The following RSPH4A variants were observed in gnomAD, a reference collection of about 807,000 sequenced individuals.
The protein encoded by RSPH4A is radial spoke head component 4A, also known as radial spoke head protein 4 homolog A.
In RSPH4A, 47 loss-of-function variants were observed where a neutral mutation model predicts 71.0. The observed-to-expected ratio is 0.66, with a 90% CI of 0.52 to 0.84. The LOEUF is 0.84. RSPH4A is among the 40% of genes least tolerant of loss of function. RSPH4A has a pLI of 0.00. For synonymous variants in RSPH4A, 282 were observed against 302.3 expected, an observed-to-expected ratio of 0.93 and a Z score of 0.70; for missense variants, 793 against 855.2, an observed-to-expected ratio of 0.93 and a Z score of 0.91.
rs1324332132 is a variant in RSPH4A, at chr6:116,616,872, T to C, written c.249T>C (p.Ala83=). Residue 83 remains alanine (A), a synonymous_variant, in exon 1 of 6, where the codon GCT becomes GCC. Transcript: ENST00000229554. The part of the protein sequence containing the change: ...GPAGPETSSP[A]PVSPREPSSS... ...CGGGACCAGAAACATCATCACCTGC[T>C]CCTGTCTCTCCGCGGGAGCCCTCTT... 3.7e-6 allele frequency: 6 copies of C among 1,614,114 alleles called. No homozygotes were observed. The highest frequency in any genetic ancestry group is 5.1e-6 in the Non-Finnish European group (6 of 1,180,016).
At chr6:116,623,205 T>C (rs1775641363) in intron 2 of RSPH4A, among the ~76,000 whole-genome samples, 1 of 152,006 alleles carries the variant, frequency 6.6e-6, no homozygotes, top group Non-Finnish European at 1.5e-5. Context: ...GTCAAGCAAT[T>C]CTCCTGAGTA....
rs1237732456 is a variant in RSPH4A at position 116,617,193 on chromosome 6, T to C, written c.570T>C (p.Tyr190=). The C allele has an allele frequency of 6.2e-7, 1 of 1,614,192 alleles. No individual in the cohort carries two copies. The highest frequency in any genetic ancestry group is 1.7e-5 in the Admixed American group (1 of 60,018). The change falls in exon 1 of 6, where the codon TAT becomes TAC. Residue 190 remains tyrosine (Y), a synonymous_variant. Transcript: ENST00000229554. ...VFQEEDSNSD[Y]DLQQPAPGGS... ...AGGAGGAAGACTCAAACAGTGACTATGATTTACAGCAGCCGGCGCCTGGGG... is the reference window on the plus strand; with the variant it reads ...AGGAGGAAGACTCAAACAGTGACTACGATTTACAGCAGCCGGCGCCTGGGG...
In RSPH4A at chr6:116,629,617, GGAA is replaced by G. The variant is rs370030988; in HGVS notation, c.1719_1721del (p.Glu573del). 44 of 1,612,342 alleles carry G rather than the reference GGAA, an allele frequency of 2.7e-5. No individual in the cohort carries two copies. The African/African-American group carries it at 5.1e-4, about 19-fold the overall frequency. On this transcript the variant is annotated inframe_deletion, in exon 4 of 6. Coordinates refer to ENST00000229554, the MANE Select transcript of RSPH4A (RefSeq NM_001010892.3). The stretch of plus-strand genomic sequence containing the variant: ...TACAAAAAAATGAGGAAGAAGAAGA[GGAA>G]GAAGATGAAGAAAAAGACGATTCTG...
chr6:116,624,106 T>C (rs1421841530), intron 2 of RSPH4A, among the ~76,000 whole-genome samples: 7 of 152,220 alleles, frequency 4.6e-5, no homozygotes, highest in African/African-American at 1.7e-4. Flanking sequence ...TGGAATAAGG[T>C]ATTTTCAAAA....
intron 2 of RSPH4A, among the ~76,000 whole-genome samples, chr6:116,625,533 A>T (rs1775680150): frequency 6.6e-6 from 1 of 151,310 alleles, no homozygotes; most frequent in Non-Finnish European, 1.5e-5. Flanking sequence ...GATAACTCTG[A>T]TCATAATATG....
intron 3 of RSPH4A, 25 bp from the exon 4 acceptor site, chr6:116,629,542 T>C: frequency 6.2e-7 from 1 of 1,611,422 alleles, no homozygotes. Context: ...ATTAGACTAC[T>C]AAATCTTGCA....
In RSPH4A at chr6:116,616,819, A is replaced by C. The variant is rs755573549; in HGVS notation, c.196A>C (p.Arg66=). The C allele has an allele frequency of 3.7e-6, 6 of 1,614,126 alleles. No homozygotes were observed. Among genetic ancestry groups the C allele is most frequent in the Non-Finnish European group, 5.1e-6 (6 of 1,179,992 alleles). Residue 66 remains arginine (R), a synonymous_variant, in exon 1 of 6, where the codon AGA becomes CGA. Transcript: ENST00000229554. ...CAGCCGTCCTTGGAGCCCGCAGTCTAGAGCCAAGACGCCTCTGGGTGGCCC... is the reference window on the plus strand; with the variant it reads ...CAGCCGTCCTTGGAGCCCGCAGTCTCGAGCCAAGACGCCTCTGGGTGGCCC... ...RSSRPWSPQS[R]AKTPLGGPAG...
chr6:116,622,990 G>A lies in RSPH4A; in HGVS notation c.909G>A (p.Leu303=). 6.2e-7 allele frequency: 1 copy of A among 1,601,740 alleles called. No homozygotes were observed. The highest frequency in any genetic ancestry group is 8.6e-7 in the Non-Finnish European group (1 of 1,168,910). The change falls in exon 2 of 6, where the codon TTG becomes TTA. Residue 303 remains leucine (L), a synonymous_variant. Transcript: ENST00000229554. ...QGHLEGVDQE[L]EDEIAENALP... is the part of the protein sequence containing the mutation. ...ATTTGGAAGGAGTTGACCAAGAATT[G>A]GAAGATGAAATAGTAAGTCACTACT...
chr6:116,631,247 C>T (rs1412564727), intron 5 of RSPH4A, among the ~76,000 whole-genome samples: 1 of 152,144 alleles, frequency 6.6e-6, no homozygotes, highest in Non-Finnish European at 1.5e-5. Flanking sequence ...AATCTCAGAT[C>T]ATTTCTGGAG....
At position 116,616,912 on chromosome 6, in the gene RSPH4A, C is replaced by G; in HGVS notation, c.289C>G (p.Leu97Val). 6.2e-7 allele frequency: 1 copy of G among 1,614,238 alleles called. No individual in the cohort carries two copies. Reference protein sequence around the residue: ...PREPSSSPSPLAPARQDLAAP... With the variant: ...PREPSSSPSPVAPARQDLAAP... Reference sequence around the variant, plus strand: ...GGAGCCCTCTTCCTCTCCTTCTCCCCTGGCTCCGGCCAGACAAGACCTCGC... The same window carrying G: ...GGAGCCCTCTTCCTCTCCTTCTCCCGTGGCTCCGGCCAGACAAGACCTCGC... Residue 97 changes from leucine to valine, a missense_variant, in exon 1 of 6, where the codon CTG becomes GTG. Leu to Val is a conservative substitution (Grantham distance 32, BLOSUM62 1). Transcript: ENST00000229554.
Position 116,628,192 on chromosome 6 carries a change from C to G in RSPH4A, c.1485C>G (p.Thr495=), listed in dbSNP as rs1775732129. ...AAATTGCCCGAATTTCAGCAGGAAC[C>G]CACGTCAGTCCTCTAGGATTTTATC... The part of the protein sequence containing the change: ...RAQIARISAG[T]HVSPLGFYQF... The change falls in exon 3 of 6, where the codon ACC becomes ACG. Residue 495 remains threonine, a synonymous_variant. Coordinates refer to ENST00000229554, the MANE Select transcript of RSPH4A (RefSeq NM_001010892.3). 2 of 1,613,884 alleles carry G rather than the reference C, an allele frequency of 1.2e-6. No individual in the cohort carries two copies. Among genetic ancestry groups the G allele is most frequent in the Admixed American group, 1.7e-5 (1 of 59,988 alleles).
At position 116,632,216 on chromosome 6, in the gene RSPH4A, A is replaced by G; in HGVS notation, c.1926A>G (p.Glu642=). The change falls in exon 6 of 6, where the codon GAA becomes GAG. Residue 642 remains glutamate, a synonymous_variant. Transcript: ENST00000229554. ...AYAFSNGKKF[E]NFYIGWGHKY... is the part of the protein sequence containing the mutation. Reference sequence around the variant, plus strand: ...TTTTTCTTACTTATAGAAAGTTTGAAAATTTCTACATAGGCTGGGGTCATA... The same window carrying G: ...TTTTTCTTACTTATAGAAAGTTTGAGAATTTCTACATAGGCTGGGGTCATA... 6.2e-7 allele frequency: 1 copy of G among 1,608,862 alleles called. No individual in the cohort carries two copies. The highest frequency in any genetic ancestry group is 8.5e-7 in the Non-Finnish European group (1 of 1,177,944).
intron 5 of RSPH4A, 59 bp from the exon 6 acceptor site, chr6:116,632,148 C>A: frequency 8.0e-7 from 1 of 1,255,824 alleles, no homozygotes. Context: ...ACAGAAGGGT[C>A]AGTTTTTCTG....
chr6:116,630,845 GTATTTTTTTTT>G (rs1775791533), intron 5 of RSPH4A, among the ~76,000 whole-genome samples: 1 of 67,714 alleles, frequency 1.5e-5, no homozygotes, highest in African/African-American at 7.3e-5. Flanking sequence ...GCTAATTTTT[GTATTTTTTTTT>G]TTTTTTTTTT....
chr6:116,631,032 T>G (rs1022227001), intron 5 of RSPH4A, among the ~76,000 whole-genome samples: 1 of 151,940 alleles, frequency 6.6e-6, no homozygotes. Flanking sequence ...TATGTGTGTG[T>G]GGCATAAAAT....
At position 116,628,294 on chromosome 6, in the gene RSPH4A, T is replaced by C; in HGVS notation, c.1587T>C (p.Phe529=). Residue 529 remains phenylalanine, a synonymous_variant, in exon 3 of 6, where the codon TTT becomes TTC. Transcript: ENST00000229554. The part of the protein sequence containing the change: ...GRNSFEENPD[F]EGIQVIDLVE... ...ATAGCTTTGAGGAAAACCCTGATTT[T>C]GAAGGCATCCAAGTGATTGATCTAG... 1 of 1,611,580 alleles carries C rather than the reference T, an allele frequency of 6.2e-7. No homozygotes were observed.
At chr6:116,621,200 T>A (rs549843967) in intron 1 of RSPH4A, among the ~76,000 whole-genome samples, 1 of 152,190 alleles carries the variant, frequency 6.6e-6, no homozygotes, top group South Asian at 2.1e-4. Context: ...GGAAGCTTGA[T>A]GAAGTTTTAA....
At chr6:116,623,125 G>GTTTTGTT in intron 2 of RSPH4A, 123 bp downstream of exon 2, 1 of 735,482 alleles carries the variant, frequency 1.4e-6, no homozygotes, top group South Asian at 1.6e-5. Flanking sequence ...GTTTTGTTTT[G>GTTTTGTT]TTTAGACAGG....
rs1227367342 is a variant in RSPH4A at position 116,629,722 on chromosome 6, A to G, written c.1798+20A>G. 2.5e-6 allele frequency: 4 copies of G among 1,593,130 alleles called. No individual in the cohort carries two copies. Among genetic ancestry groups the G allele is most frequent in the Non-Finnish European group, 3.4e-6 (4 of 1,161,846 alleles). On this transcript the variant is annotated intron_variant, in intron 4 of 5. Transcript: ENST00000229554. ...ATTTAGGTTATTTTACGTAACTATT[A>G]TCACACACAGACACACAAACAATAT...
Sources: gnomAD v4.1 joint callset for allele counts (sites outside exome capture counted in the v4.1 genomes callset) on GRCh38, gnomAD v4.1.1 for gene constraint, MANE v1.5 for transcripts, NCBI Gene and HGNC (gene_info 2026-07-23, HGNC 2026-07-21) for gene names.